The following STIP1 variants were observed in gnomAD, a reference collection of about 807,000 sequenced individuals.
The protein encoded by STIP1 is stress-induced-phosphoprotein 1.
A neutral mutation model predicts 77.4 loss-of-function variants in STIP1; 16 were observed. The ratio of observed to expected loss-of-function variants is 0.21; its 90% CI spans 0.14 to 0.31. The LOEUF (loss-of-function observed/expected upper bound fraction) is 0.31. Ranked by LOEUF, STIP1 falls within the 10% of genes least tolerant of loss-of-function variation. The probability of loss-of-function intolerance (pLI) is 1.00; values close to 1 mark genes in which losing one functional copy is unlikely to be tolerated. For synonymous variants in STIP1, 258 were observed against 246.6 expected, an observed-to-expected ratio of 1.05 and a Z score of -0.44; for missense variants, 524 against 684.8, an observed-to-expected ratio of 0.77 and a Z score of 2.62.
rs1946245887 is a variant in STIP1 at position 64,203,604 on chromosome 11, A to AC, written c.1546dup (p.Gln516ProfsTer71). 2 of 1,613,938 alleles carry AC rather than the reference A, an allele frequency of 1.2e-6. No homozygotes were observed. The highest frequency in any genetic ancestry group is 1.7e-6 in the Non-Finnish European group (2 of 1,180,016). ...CTTATCCTGGAACAGATGCAGAAGGACCCCCAGGCACTCAGCGAGTACGTA... is the reference window on the plus strand; with the variant it reads ...CTTATCCTGGAACAGATGCAGAAGGACCCCCCAGGCACTCAGCGAGTACGTA... On this transcript the variant is annotated frameshift_variant, in exon 13 of 14. Transcript: ENST00000305218. LOFTEE classifies it high-confidence loss of function.
intron 1 of STIP1, among the ~76,000 whole-genome samples, chr11:64,188,733 C>G (rs1411153877): frequency 6.6e-6 from 1 of 152,130 alleles, no homozygotes; most frequent in African/African-American, 2.4e-5. Context: ...AGTGTATGTA[C>G]AGGTAGGTAG....
intron 5 of STIP1, 128 bp downstream of exon 5, chr11:64,195,941 T>C: frequency 7.3e-7 from 1 of 1,365,194 alleles, no homozygotes; most frequent in Admixed American, 2.2e-5. Context: ...GGAGTCTTGC[T>C]GTGTTTCCCA....
intron 10 of STIP1, among the ~76,000 whole-genome samples, chr11:64,201,610 C>G (rs1397943524): frequency 6.6e-6 from 1 of 152,170 alleles, no homozygotes; most frequent in Non-Finnish European, 1.5e-5. Flanking sequence ...TAGAAACAGC[C>G]ATACCTGGGT....
intron 1 of STIP1, among the ~76,000 whole-genome samples, chr11:64,189,073 A>G (rs1946061075): frequency 1.3e-5 from 2 of 152,188 alleles, no homozygotes; most frequent in African/African-American, 4.8e-5. Context: ...AAGAAAAAAG[A>G]AAAACTGGGC....
At chr11:64,193,436 C>T (rs1431183056) in intron 2 of STIP1, 149 bp downstream of exon 2, 1 of 706,012 alleles carries the variant, frequency 1.4e-6, no homozygotes, top group Admixed American at 2.6e-5. Context: ...CATTTTTCAT[C>T]AAATCTAAGG....
intron 2 of STIP1, 116 bp from the exon 3 acceptor site, chr11:64,194,073 C>G: frequency 4.3e-6 from 6 of 1,402,548 alleles, no homozygotes; most frequent in Non-Finnish European, 5.8e-6. Flanking sequence ...TTCTCTTTGG[C>G]CTTCATGTGA....
At chr11:64,186,583 G>T (rs954051646) in intron 1 of STIP1, 3 of 227,048 alleles carry the variant, frequency 1.3e-5, no homozygotes, top group African/African-American at 6.9e-5. Context: ...TCCCGAGGGG[G>T]CGGCTGCGGG....
intron 10 of STIP1, 34 bp from the exon 11 acceptor site, chr11:64,202,842 A>G (rs1946234757): frequency 6.2e-7 from 1 of 1,613,932 alleles, no homozygotes. Context: ...GTCCAAGGGA[A>G]TGAGCCTAAT....
At chr11:64,196,494 G>A (rs371522987) in intron 5 of STIP1, among the ~76,000 whole-genome samples, 4 of 151,838 alleles carry the variant, frequency 2.6e-5, no homozygotes, top group South Asian at 4.2e-4. Context: ...TCACCACAGC[G>A]GCTTCATTGC....
chr11:64,192,229 G>A (rs1159211332), intron 1 of STIP1, among the ~76,000 whole-genome samples: 2 of 152,126 alleles, frequency 1.3e-5, no homozygotes, highest in Non-Finnish European at 2.9e-5. Flanking sequence ...CAGGAGAATC[G>A]CTTGAACCTG....
chr11:64,186,210 G>C lies in STIP1; in HGVS notation c.-52G>C. On this transcript the variant is annotated 5_prime_UTR_variant, in exon 1 of 14. Transcript: ENST00000305218. ...TCCAGAAGGCGGCGCGTGCGGTTGG[G>C]AACGCGGAGCGGACGGATTCGATTC... The C allele has an allele frequency of 3.2e-6, 5 of 1,550,926 alleles. No homozygotes were observed. The highest frequency in any genetic ancestry group is 4.4e-6 in the Non-Finnish European group (5 of 1,146,970).
upstream of STIP1, chr11:64,186,141 C>A (rs921223018): frequency 1.5e-5 from 23 of 1,550,698 alleles, no homozygotes; most frequent in Middle Eastern, 5.0e-4. Context: ...AGTGAGCAGG[C>A]GAGGAAGGGG....
At chr11:64,186,318 GCGGTGGCCAGGCCGCGGTA>G in intron 1 of STIP1, 48 bp downstream of exon 1, 1 of 1,488,406 alleles carries the variant, frequency 6.7e-7, no homozygotes. Flanking sequence ...TCGGGGACCG[GCGGTGGCCAGGCCGCGGTA>G]GGGGGGCGGG....
intron 9 of STIP1, 21 bp downstream of exon 9, chr11:64,200,057 AT>A: frequency 6.2e-7 from 1 of 1,613,966 alleles, no homozygotes; most frequent in Non-Finnish European, 8.5e-7. Flanking sequence ...CAGCTGGGGG[AT>A]TGGGGGAGCA....
At chr11:64,197,198 G>C in intron 5 of STIP1, 73 bp from the exon 6 acceptor site, 1 of 1,592,792 alleles carries the variant, frequency 6.3e-7, no homozygotes, top group Non-Finnish European at 8.5e-7. Context: ...TTCAGAACTT[G>C]TGACAGATCA....
chr11:64,194,048 A>T (rs186910070), intron 2 of STIP1, 141 bp from the exon 3 acceptor site: 14 of 1,167,838 alleles, frequency 1.2e-5, no homozygotes, highest in Non-Finnish European at 1.7e-5. Flanking sequence ...CTCGTAGCCT[A>T]CTCCTCTCCT....
At chr11:64,193,007 T>C (rs1277335594) in intron 1 of STIP1, 71 bp from the exon 2 acceptor site, 2 of 1,421,030 alleles carry the variant, frequency 1.4e-6, no homozygotes, top group South Asian at 2.4e-5. Flanking sequence ...CATGAAAGAA[T>C]GAGTGTTGTC....
intron 13 of STIP1, 86 bp downstream of exon 13, chr11:64,203,708 C>A (rs914113829): frequency 1.9e-6 from 3 of 1,540,752 alleles, no homozygotes; most frequent in South Asian, 2.3e-5. Context: ...GTGGTATGCT[C>A]AGTCTGCGAG....
At chr11:64,194,389 C>G in intron 3 of STIP1, 59 bp downstream of exon 3, 1 of 1,610,480 alleles carries the variant, frequency 6.2e-7, no homozygotes, top group South Asian at 1.1e-5. Flanking sequence ...TGAGTCTTCA[C>G]CCCTGAGAAA....
Sources: gnomAD v4.1 joint callset for allele counts (sites outside exome capture counted in the v4.1 genomes callset) on GRCh38, gnomAD v4.1.1 for gene constraint, MANE v1.5 for transcripts, NCBI Gene and HGNC (gene_info 2026-07-23, HGNC 2026-07-21) for gene names.